UBE2K: variants seen among roughly 807,000 people sequenced by gnomAD.
The protein encoded by UBE2K is ubiquitin conjugating enzyme E2 K.
In UBE2K, 6 loss-of-function variants were observed where a neutral mutation model predicts 30.0. The ratio of observed to expected loss-of-function variants is 0.20; its 90% CI spans 0.11 to 0.39. The LOEUF is 0.39. Ranked by LOEUF, UBE2K falls within the 10% of genes least tolerant of loss-of-function variation. The pLI is 1.00. For missense variants in UBE2K, 61 were observed against 241.6 expected, an observed-to-expected ratio of 0.25 and a Z score of 4.96; for synonymous variants, 86 against 83.7, an observed-to-expected ratio of 1.03 and a Z score of -0.15.
At position 39,771,652 on chromosome 4, in the gene UBE2K, G is replaced by GGT. The variant is rs568150998; in HGVS notation, c.300-3177_300-3176dup. Reference sequence around the variant, plus strand: ...GGGTAGGGGCGGGAGCGGCTCGTGCGGTGTGTTCCAGGCCTCGCGCGCGCG... The same window carrying GGT: ...GGGTAGGGGCGGGAGCGGCTCGTGCGGTGTGTGTTCCAGGCCTCGCGCGCGCG... On this transcript the variant is annotated intron_variant, in intron 4 of 6. Coordinates refer to ENST00000261427, the MANE Select transcript of UBE2K (RefSeq NM_005339.5). Among the ~76,000 whole-genome samples, 104 of 152,214 alleles carry GGT rather than the reference G, an allele frequency of 6.8e-4. 1 individual carries two copies. Among genetic ancestry groups the GGT allele is most frequent in the Admixed American group, 6.5e-3 (99 of 15,290 alleles).
intron 1 of UBE2K, among the ~76,000 whole-genome samples, chr4:39,720,691 A>G (rs1465887678): frequency 6.6e-6 from 1 of 152,226 alleles, no homozygotes; most frequent in African/African-American, 2.4e-5. Flanking sequence ...GATAGTTAAT[A>G]ATCATTTTAC....
chr4:39,781,305 A>G lies in UBE2K; in HGVS notation c.*2871A>G, dbSNP rs1713596325. ...ATTTTGCTTTTGAAGAGAATAATCT[A>G]TGAAATGGAAGACTTGATTTTTTTT... On this transcript the variant is annotated 3_prime_UTR_variant, in exon 7 of 7. Coordinates refer to ENST00000261427, the MANE Select transcript of UBE2K (RefSeq NM_005339.5). 1 of 149,258 alleles carries G rather than the reference A, an allele frequency of 6.7e-6. No individual in the cohort carries two copies. Among genetic ancestry groups the G allele is most frequent in the Admixed American group, 6.6e-5 (1 of 15,194 alleles). 9.2% of individuals were successfully genotyped at this position (149,258 alleles called of 1,614,324 possible). A position where few individuals can be genotyped will look rare whatever the true frequency, so the allele number is the denominator to read the frequency against.
chr4:39,738,330 T>A (rs1354709668), intron 2 of UBE2K, among the ~76,000 whole-genome samples: 1 of 152,234 alleles, frequency 6.6e-6, no homozygotes, highest in Non-Finnish European at 1.5e-5. Context: ...CAACGATTGC[T>A]GTTTCATAGA....
At chr4:39,710,819 C>G (rs1718626631) in intron 1 of UBE2K, among the ~76,000 whole-genome samples, 1 of 151,990 alleles carries the variant, frequency 6.6e-6, no homozygotes, top group Admixed American at 6.6e-5. Context: ...ATACTTTATA[C>G]TTAGAAGTTT....
chr4:39,764,965 T>C (rs1323424823), intron 4 of UBE2K, among the ~76,000 whole-genome samples: 4 of 151,880 alleles, frequency 2.6e-5, no homozygotes, highest in African/African-American at 9.7e-5. Context: ...CGGCTGACTG[T>C]AAGCTCCGCC....
At chr4:39,747,371 A>G (rs1721036425) in intron 3 of UBE2K, among the ~76,000 whole-genome samples, 1 of 152,130 alleles carries the variant, frequency 6.6e-6, no homozygotes, top group Admixed American at 6.6e-5. Flanking sequence ...CCCCGCTCCC[A>G]GCTTCTGGTA....
At chr4:39,747,769 A>T (rs548897059) in intron 3 of UBE2K, among the ~76,000 whole-genome samples, 1 of 146,432 alleles carries the variant, frequency 6.8e-6, no homozygotes, top group Non-Finnish European at 1.5e-5. Context: ...GGCGTCTGCT[A>T]CCTCGCCCGG....
At chr4:39,778,097 C>CAA (rs36215155) in intron 6 of UBE2K, among the ~76,000 whole-genome samples, 18 of 51,746 alleles carry the variant, frequency 3.5e-4, no homozygotes, top group African/African-American at 4.7e-4. Context: ...GACCCTGTCT[C>CAA]AAAAAAAAAA....
intron 1 of UBE2K, among the ~76,000 whole-genome samples, chr4:39,718,879 C>A (rs967849440): frequency 6.6e-6 from 1 of 152,278 alleles, no homozygotes; most frequent in Non-Finnish European, 1.5e-5. Flanking sequence ...CCACCCGTGC[C>A]TCTCCCTTCA....
At chr4:39,710,735 T>C (rs114698392) in intron 1 of UBE2K, among the ~76,000 whole-genome samples, 2,859 of 152,192 alleles carry the variant, frequency 0.019, 104 homozygotes, top group African/African-American at 0.065. Flanking sequence ...ATATTGGTGG[T>C]TATGGTAGAA....
At chr4:39,704,477 A>G (rs1358130975) in intron 1 of UBE2K, among the ~76,000 whole-genome samples, 1 of 152,010 alleles carries the variant, frequency 6.6e-6, no homozygotes, top group Non-Finnish European at 1.5e-5. Flanking sequence ...CAGTGTTACA[A>G]AGACTTTGAG....
At chr4:39,719,090 A>AT (rs1719277491) in intron 1 of UBE2K, among the ~76,000 whole-genome samples, 1 of 152,082 alleles carries the variant, frequency 6.6e-6, no homozygotes, top group Non-Finnish European at 1.5e-5. Context: ...TTCCTGACCT[A>AT]TTTCCTGTTA....
chr4:39,725,143 G>A (rs1302289541), intron 1 of UBE2K, among the ~76,000 whole-genome samples: 3 of 152,118 alleles, frequency 2.0e-5, no homozygotes, highest in Non-Finnish European at 1.5e-5. Flanking sequence ...CACTTTGGGA[G>A]TCCAAGGCAG....
chr4:39,731,408 G>A (rs139787577), intron 1 of UBE2K, among the ~76,000 whole-genome samples: 71 of 152,038 alleles, frequency 4.7e-4, no homozygotes, highest in African/African-American at 1.7e-3. Context: ...CAGAAAACAC[G>A]GTGGCTCACA....
chr4:39,699,263 G>C (rs1717874899), intron 1 of UBE2K, among the ~76,000 whole-genome samples: 1 of 152,156 alleles, frequency 6.6e-6, no homozygotes, highest in African/African-American at 2.4e-5. Flanking sequence ...TGTGACTCGT[G>C]TTGTGCCACG....
At chr4:39,704,644 G>C (rs1578412288) in intron 1 of UBE2K, among the ~76,000 whole-genome samples, 1 of 151,986 alleles carries the variant, frequency 6.6e-6, no homozygotes, top group Non-Finnish European at 1.5e-5. Flanking sequence ...AGGCTTAGAT[G>C]ATCCTCCTAC....
chr4:39,736,392 G>A (rs1409106915), intron 1 of UBE2K, among the ~76,000 whole-genome samples: 4 of 152,190 alleles, frequency 2.6e-5, no homozygotes, highest in Non-Finnish European at 4.4e-5. Flanking sequence ...AACCCAGGAG[G>A]TGGAGGTTGC....
At position 39,781,315 on chromosome 4, in the gene UBE2K, A is replaced by G. The variant is rs980621505; in HGVS notation, c.*2881A>G. ...TGAAGAGAATAATCTATGAAATGGA[A>G]GACTTGATTTTTTTTTTCATTTTTT... On this transcript the variant is annotated 3_prime_UTR_variant, in exon 7 of 7. Coordinates refer to ENST00000261427, the MANE Select transcript of UBE2K (RefSeq NM_005339.5). 1.4e-5 allele frequency: 2 copies of G among 144,994 alleles called. No homozygotes were observed. Among genetic ancestry groups the G allele is most frequent in the African/African-American group, 5.7e-5 (2 of 34,952 alleles). 9.0% of individuals were successfully genotyped at this position (144,994 alleles called of 1,614,324 possible). A position where few individuals can be genotyped will look rare whatever the true frequency, so the allele number is the denominator to read the frequency against.
intron 3 of UBE2K, among the ~76,000 whole-genome samples, chr4:39,748,675 C>T (rs1478687379): frequency 6.6e-6 from 1 of 151,656 alleles, no homozygotes; most frequent in African/African-American, 2.4e-5. Context: ...CTAGCTGTTC[C>T]GTTTGGAGGT....
Sources: gnomAD v4.1 joint callset for allele counts (sites outside exome capture counted in the v4.1 genomes callset) on GRCh38, gnomAD v4.1.1 for gene constraint, MANE v1.5 for transcripts, NCBI Gene and HGNC (gene_info 2026-07-23, HGNC 2026-07-21) for gene names.